Variants in NOTCH2 observed in about 807,000 individuals in gnomAD.
NOTCH2 encodes neurogenic locus notch homolog protein 2.
A neutral mutation model predicts 235.8 loss-of-function variants in NOTCH2; 29 were observed. The ratio of observed to expected loss-of-function variants is 0.12; its 90% CI spans 0.09 to 0.17. NOTCH2 has a LOEUF of 0.17. Among genes scored for constraint, NOTCH2 ranks in the 10% least tolerant of loss-of-function variants. The pLI is 1.00. For missense variants in NOTCH2, 2,285 were observed against 3,150.2 expected (o/e 0.73, Z 6.57); for synonymous variants, 1,086 against 1,141.5 (o/e 0.95, Z 0.98).
At chr1:120,036,892 AT>A (rs1320850724) in intron 1 of NOTCH2, among the ~76,000 whole-genome samples, 1 of 152,186 alleles carries the variant, frequency 6.6e-6, no homozygotes, top group Admixed American at 6.6e-5. Flanking sequence ...AAGTTTTCCA[AT>A]GCTTTTCACT....
intron 1 of NOTCH2, among the ~76,000 whole-genome samples, chr1:120,037,104 C>G (rs868993905): frequency 6.6e-6 from 1 of 152,108 alleles, no homozygotes; most frequent in South Asian, 2.1e-4. Flanking sequence ...TGTCGTCTAT[C>G]TCACATGATT....
In NOTCH2 at chr1:120,069,402, G is replaced by A. The variant is rs1336639565; in HGVS notation, c.5C>T (p.Pro2Leu). The change falls in exon 1 of 34, where the codon CCC becomes CTC. Residue 2 changes from proline to leucine, a missense_variant. Physicochemically the swap from Pro to Leu is moderately conservative, Grantham distance 98. This residue lies in a region of NOTCH2 where 37 missense variants were observed against 31.4 expected (regional missense o/e 1.18). Coordinates refer to ENST00000256646, the MANE Select transcript of NOTCH2 (RefSeq NM_024408.4). ...CCACAGCAGAGCGGGGCGCAGGGCG[G>A]GCATCTTCTCGGTCGCCTCCTCCTC... M[P>L]ALRPALLWAL... The A allele has an allele frequency of 2.6e-6, 4 of 1,546,682 alleles. No individual in the cohort carries two copies. The African/African-American group carries it at 5.5e-5, about 21-fold the overall frequency.
intron 21 of NOTCH2, among the ~76,000 whole-genome samples, chr1:119,936,609 G>T (rs1380049284): frequency 6.6e-6 from 1 of 152,142 alleles, no homozygotes; most frequent in African/African-American, 2.4e-5. Context: ...CAACCTAGGG[G>T]CCAAAATACA....
chr1:119,935,987 T>C (rs1649835618), intron 21 of NOTCH2, among the ~76,000 whole-genome samples: 1 of 152,186 alleles, frequency 6.6e-6, no homozygotes, highest in Non-Finnish European at 1.5e-5. Flanking sequence ...AAAAGGCATA[T>C]GTGGATGGTA....
chr1:119,937,532 A>C, intron 20 of NOTCH2, 66 bp from the exon 21 acceptor site: 1 of 1,464,502 alleles, frequency 6.8e-7, no homozygotes, highest in South Asian at 1.2e-5. Context: ...CAAATCAACC[A>C]ATGAGCAAGT....
intron 11 of NOTCH2, among the ~76,000 whole-genome samples, chr1:119,960,645 C>T (rs1356464922): frequency 2.0e-5 from 3 of 151,584 alleles, no homozygotes; most frequent in Admixed American, 6.6e-5. Context: ...GGATAAAATG[C>T]CATACTTGTG....
chr1:119,929,633 A>G (rs1389181004), intron 22 of NOTCH2, among the ~76,000 whole-genome samples: 1 of 152,268 alleles, frequency 6.6e-6, no homozygotes, highest in Non-Finnish European at 1.5e-5. Flanking sequence ...ATTTTAGTCA[A>G]TGCAGGCAGC....
At chr1:119,954,006 GTTA>G (rs1650590032) in intron 13 of NOTCH2, among the ~76,000 whole-genome samples, 1 of 152,124 alleles carries the variant, frequency 6.6e-6, no homozygotes, top group Non-Finnish European at 1.5e-5. Flanking sequence ...CACAATGTAT[GTTA>G]TTATACATAA....
intron 4 of NOTCH2, among the ~76,000 whole-genome samples, chr1:119,987,852 C>A (rs1399008970): frequency 2.0e-5 from 3 of 152,160 alleles, no homozygotes; most frequent in Non-Finnish European, 2.9e-5. Flanking sequence ...TTGCTTCCTT[C>A]CTCTTGACTT....
intron 17 of NOTCH2, among the ~76,000 whole-genome samples, chr1:119,942,802 T>C (rs1275196799): frequency 6.6e-6 from 1 of 152,150 alleles, no homozygotes; most frequent in African/African-American, 2.4e-5. Context: ...TCCCTAAAGT[T>C]CTCCATCAAT....
At chr1:119,973,096 T>C (rs924170075) in intron 5 of NOTCH2, among the ~76,000 whole-genome samples, 18 of 152,374 alleles carry the variant, frequency 1.2e-4, no homozygotes, top group East Asian at 3.9e-4. Context: ...ATCTGTTCGA[T>C]AGTGCTTGTT....
intron 17 of NOTCH2, among the ~76,000 whole-genome samples, chr1:119,947,864 A>T (rs1487451605): frequency 6.6e-6 from 1 of 152,234 alleles, no homozygotes; most frequent in Admixed American, 6.5e-5. Flanking sequence ...TATGTTCATT[A>T]AAACAAGTCA....
intron 5 of NOTCH2, among the ~76,000 whole-genome samples, chr1:119,983,973 C>T (rs1181913582): frequency 6.6e-6 from 1 of 152,156 alleles, no homozygotes; most frequent in Non-Finnish European, 1.5e-5. Flanking sequence ...CTCACTACTC[C>T]AACCCCTCCT....
chr1:119,945,833 T>C (rs1557815859), intron 17 of NOTCH2, among the ~76,000 whole-genome samples: 1 of 152,026 alleles, frequency 6.6e-6, no homozygotes, highest in African/African-American at 2.4e-5. Context: ...CTATGAATAA[T>C]AAGTAGACAG....
intron 18 of NOTCH2, 143 bp downstream of exon 18, chr1:119,941,383 C>A: frequency 1.4e-6 from 1 of 704,698 alleles, no homozygotes; most frequent in Non-Finnish European, 2.6e-6. Context: ...AACCAGTAAC[C>A]GGGCAATAGG....
chr1:119,988,150 T>C (rs1488779053), intron 4 of NOTCH2, among the ~76,000 whole-genome samples: 1 of 152,190 alleles, frequency 6.6e-6, no homozygotes, highest in African/African-American at 2.4e-5. Flanking sequence ...AGTGAGTCCC[T>C]GCTTTTGTGG....
At position 119,915,320 on chromosome 1, in the gene NOTCH2, G is replaced by T; in HGVS notation, c.7402C>A (p.Gln2468Lys). 1 of 1,613,546 alleles carries T rather than the reference G, an allele frequency of 6.2e-7. No homozygotes were observed. Among genetic ancestry groups the T allele is most frequent in the African/African-American group, 1.3e-5 (1 of 75,028 alleles). ...GGTGGACTCTCTCACGCATAAACCT[G>T]CATGTTGTTGTGTGGTGGCTCAGAC... is the stretch of plus-strand genomic sequence containing the variant. ...HMSEPPHNNM[Q>K]VYA is the part of the protein sequence containing the mutation. The change falls in exon 34 of 34, where the codon CAG (glutamine) becomes AAG (lysine). Residue 2468 changes from glutamine to lysine, a missense_variant. By Grantham distance (53) the Gln-to-Lys change is moderately conservative (BLOSUM62 1). Transcript: ENST00000256646.
chr1:119,957,654 C>T (rs587705745), intron 12 of NOTCH2, among the ~76,000 whole-genome samples: 103 of 152,142 alleles, frequency 6.8e-4, no homozygotes, highest in Admixed American at 2.0e-3. Flanking sequence ...ACCTAGTAAC[C>T]AAAACATTCC....
At chr1:119,939,829 T>G (rs928153944) in intron 19 of NOTCH2, among the ~76,000 whole-genome samples, 1 of 152,232 alleles carries the variant, frequency 6.6e-6, no homozygotes, top group African/African-American at 2.4e-5. Flanking sequence ...GGTGCTCACA[T>G]GTCTAATATA....
Sources: allele counts gnomAD v4.1 joint callset (sites outside exome capture counted in the v4.1 genomes callset), GRCh38; gene constraint gnomAD v4.1.1; regional missense constraint gnomAD v4.1.1; transcripts MANE v1.5; gene names NCBI Gene and HGNC (gene_info 2026-07-23, HGNC 2026-07-21).